The following LSM12 variants were observed in gnomAD, a reference collection of about 807,000 sequenced individuals.
LSM12 encodes protein LSM12.
For missense variants in LSM12, 108 were observed against 238.9 expected (o/e 0.45, Z 3.61); for synonymous variants, 74 against 87.3 (o/e 0.85, Z 0.85).
chr17:44,042,286 C>CA (rs941234454), intron 2 of LSM12, among the ~76,000 whole-genome samples: 14 of 144,846 alleles, frequency 9.7e-5, no homozygotes, highest in African/African-American at 1.5e-4. Flanking sequence ...GACTCCGTCT[C>CA]AAAAAAAAAA....
At chr17:44,065,876 C>T (rs945615013) in intron 1 of LSM12, among the ~76,000 whole-genome samples, 7 of 151,984 alleles carry the variant, frequency 4.6e-5, no homozygotes, top group South Asian at 2.1e-4. Context: ...CCCCACCACA[C>T]ATACACACGC....
At chr17:44,063,673 G>T in intron 2 of LSM12, 128 bp downstream of exon 2, 1 of 1,092,046 alleles carries the variant, frequency 9.2e-7, no homozygotes, top group Non-Finnish European at 1.2e-6. Context: ...TTTTTAAAAA[G>T]ATATCAGAAC....
At chr17:44,059,940 G>A (rs1383449686) in intron 2 of LSM12, among the ~76,000 whole-genome samples, 6 of 152,108 alleles carry the variant, frequency 3.9e-5, no homozygotes, top group Middle Eastern at 3.4e-3. Context: ...CGAGGCGGGC[G>A]GATCACAAGG....
At chr17:44,038,867 C>T (rs1004597000) in intron 3 of LSM12, among the ~76,000 whole-genome samples, 2 of 152,118 alleles carry the variant, frequency 1.3e-5, no homozygotes, top group Admixed American at 1.3e-4. Context: ...TGTAAATGTT[C>T]AGATACTCAC....
chr17:44,038,102 G>T (rs58129434), intron 3 of LSM12, among the ~76,000 whole-genome samples: 1 of 151,966 alleles, frequency 6.6e-6, no homozygotes, highest in Non-Finnish European at 1.5e-5. Context: ...TAATCCCCGC[G>T]CTTTGGGAGG....
At chr17:44,049,964 C>T (rs2049621048) in intron 2 of LSM12, among the ~76,000 whole-genome samples, 1 of 152,236 alleles carries the variant, frequency 6.6e-6, no homozygotes, top group African/African-American at 2.4e-5. Context: ...CTGCCCGGAA[C>T]TGCTTATGAC....
At chr17:44,049,191 AAAC>A (rs369527650) in intron 2 of LSM12, among the ~76,000 whole-genome samples, 29 of 152,024 alleles carry the variant, frequency 1.9e-4, no homozygotes, top group East Asian at 7.7e-4. Context: ...TGTCTTTAAA[AAAC>A]AACAACAACA....
intron 2 of LSM12, among the ~76,000 whole-genome samples, chr17:44,057,493 G>A (rs2049732660): frequency 6.6e-6 from 1 of 151,478 alleles, no homozygotes; most frequent in Non-Finnish European, 1.5e-5. Flanking sequence ...CAGGTACAGT[G>A]GCTCACGCCT....
At chr17:44,064,590 G>C (rs949915661) in intron 1 of LSM12, among the ~76,000 whole-genome samples, 3 of 151,980 alleles carry the variant, frequency 2.0e-5, no homozygotes, top group African/African-American at 7.3e-5. Context: ...AAAATTAGCC[G>C]GGTGTGGTGG....
chr17:44,043,688 G>A (rs1389630145), intron 2 of LSM12, among the ~76,000 whole-genome samples: 7 of 151,594 alleles, frequency 4.6e-5, no homozygotes, highest in African/African-American at 1.2e-4. Flanking sequence ...ATCTGAAGTC[G>A]GCCAGCGCTG....
intron 2 of LSM12, among the ~76,000 whole-genome samples, chr17:44,061,317 CAAA>C (rs11306333): frequency 1.2e-4 from 12 of 96,054 alleles, no homozygotes; most frequent in African/African-American, 1.9e-4. Context: ...AACTCCATCT[CAAA>C]AAAAAAAAAA....
intron 3 of LSM12, among the ~76,000 whole-genome samples, chr17:44,039,673 G>A (rs569926902): frequency 4.6e-5 from 7 of 152,210 alleles, no homozygotes; most frequent in South Asian, 2.1e-4. Context: ...GAGCCACCGC[G>A]CCCGGCCCCA....
intron 2 of LSM12, 104 bp from the exon 3 acceptor site, chr17:44,040,360 G>A: frequency 1.3e-6 from 1 of 783,890 alleles, no homozygotes; most frequent in South Asian, 1.5e-5. Flanking sequence ...GACTTGTTTG[G>A]ACAGATTCTG....
chr17:44,036,040 T>A lies in LSM12; in HGVS notation c.*168A>T. ...ACTTTTAAATTATTCTCTTGTTCTT[T>A]TTTGTTGGGTGTTTTGTTTGTTCAA... On this transcript the variant is annotated 3_prime_UTR_variant, in exon 5 of 5. Transcript: ENST00000293406. The A allele has an allele frequency of 1.8e-6, 1 of 549,302 alleles. No individual in the cohort carries two copies. The highest frequency in any genetic ancestry group is 3.2e-6 in the Non-Finnish European group (1 of 315,988). The allele number at this position is 549,302 out of a possible 1,614,324, so 34.0% of individuals were successfully genotyped here.
chr17:44,044,065 CGTT>C (rs2049530106), intron 2 of LSM12, among the ~76,000 whole-genome samples: 1 of 152,108 alleles, frequency 6.6e-6, no homozygotes, highest in Non-Finnish European at 1.5e-5. Context: ...AGTAAAATGT[CGTT>C]GTCACCTACA....
In LSM12 at chr17:44,058,092, C is replaced by T. The variant is rs539739740; in HGVS notation, c.258+5709G>A. On this transcript the variant is annotated intron_variant, in intron 2 of 4. Transcript: ENST00000293406. ...TCTACTAAAAATACAAAAAAATTAG[C>T]TGGGCGTGGTGGTGGGCGCCTGTAG... 1.8e-3 allele frequency among the ~76,000 whole-genome samples: 274 copies of T among 151,886 alleles called. 1 individual carries two copies. The highest frequency in any genetic ancestry group is 3.4e-3 in the Middle Eastern group (1 of 294).
At chr17:44,042,326 A>G (rs1487633220) in intron 2 of LSM12, among the ~76,000 whole-genome samples, 4 of 152,100 alleles carry the variant, frequency 2.6e-5, no homozygotes, top group Admixed American at 1.3e-4. Flanking sequence ...GCATATTCCA[A>G]AAGTACCTTA....
At chr17:44,054,627 CA>C (rs1169577568) in intron 2 of LSM12, among the ~76,000 whole-genome samples, 1 of 151,578 alleles carries the variant, frequency 6.6e-6, no homozygotes, top group Non-Finnish European at 1.5e-5. Flanking sequence ...TTTAAAATGG[CA>C]ATAAATTATT....
At chr17:44,057,043 C>G (rs574095297) in intron 2 of LSM12, among the ~76,000 whole-genome samples, 1 of 152,116 alleles carries the variant, frequency 6.6e-6, no homozygotes, top group East Asian at 2.0e-4. Context: ...GTACTCCCAG[C>G]TACTCGGGAG....
Sources: gnomAD v4.1 joint callset for allele counts (sites outside exome capture counted in the v4.1 genomes callset) on GRCh38, gnomAD v4.1.1 for gene constraint, MANE v1.5 for transcripts, NCBI Gene and HGNC (gene_info 2026-07-23, HGNC 2026-07-21) for gene names.